The following ARMH3 variants were observed in gnomAD, a reference collection of about 807,000 sequenced individuals.
The protein encoded by ARMH3 is armadillo like helical domain containing 3.
ARMH3 carries 60 observed loss-of-function variants against 99.1 expected under a neutral mutation model. The ratio of observed to expected loss-of-function variants is 0.61; its 90% confidence interval spans 0.49 to 0.75. The LOEUF (loss-of-function observed/expected upper bound fraction) is 0.75, where lower values mean the gene tolerates loss of function less well. ARMH3 is among the 30% of genes least tolerant of loss of function. The probability of loss-of-function intolerance (pLI) is 0.00; values close to 1 mark genes in which losing one functional copy is unlikely to be tolerated. For missense variants in ARMH3, 679 were observed against 843.1 expected (o/e 0.81, Z 2.41); for synonymous variants, 285 against 292.8 (o/e 0.97, Z 0.27).
chr10:101,935,860 T>A (rs965546612), intron 23 of ARMH3, among the ~76,000 whole-genome samples: 1 of 152,204 alleles, frequency 6.6e-6, no homozygotes, highest in African/African-American at 2.4e-5. Flanking sequence ...TATATCTCTA[T>A]CCTTGATCAT....
intron 19 of ARMH3, among the ~76,000 whole-genome samples, chr10:101,976,963 T>C (rs1329162514): frequency 6.6e-6 from 1 of 152,152 alleles, no homozygotes; most frequent in Non-Finnish European, 1.5e-5. Flanking sequence ...AGAAGTTCTG[T>C]TTCTTTTTCT....
intron 23 of ARMH3, among the ~76,000 whole-genome samples, chr10:101,907,715 C>A (rs551503891): frequency 2.0e-5 from 3 of 152,232 alleles, no homozygotes; most frequent in African/African-American, 7.2e-5. Context: ...CAGTTTCATC[C>A]TAGTGGTACA....
chr10:101,944,522 A>C (rs1844430229), intron 22 of ARMH3, among the ~76,000 whole-genome samples: 1 of 151,972 alleles, frequency 6.6e-6, no homozygotes, highest in Admixed American at 6.6e-5. Flanking sequence ...AAATATTAAA[A>C]GCATTCAGAG....
chr10:101,990,049 G>C (rs1302247147), intron 19 of ARMH3, among the ~76,000 whole-genome samples: 1 of 152,160 alleles, frequency 6.6e-6, no homozygotes, highest in African/African-American at 2.4e-5. Context: ...GATATGTGCA[G>C]AATCCACATT....
At chr10:101,954,967 C>G (rs556772937) in intron 22 of ARMH3, among the ~76,000 whole-genome samples, 1 of 152,164 alleles carries the variant, frequency 6.6e-6, no homozygotes, top group Admixed American at 6.5e-5. Flanking sequence ...ATATCTCCCC[C>G]ACTCCAACTC....
rs1267995530 is a variant in ARMH3, at chr10:101,995,386, A to T, written c.1151-31T>A. ...AAGAAAAAAGAAACTCTTCTCTGTA[A>T]ATCATCCAGATTTACATCATCTGTT... On this transcript the variant is annotated intron_variant, in intron 15 of 25. Transcript: ENST00000370033. 3.8e-6 allele frequency: 6 copies of T among 1,572,716 alleles called. No homozygotes were observed. In the Admixed American group the frequency reaches 6.8e-5, roughly 18 times the overall value.
intron 8 of ARMH3, among the ~76,000 whole-genome samples, chr10:102,022,770 C>T (rs1273807697): frequency 1.3e-5 from 2 of 150,568 alleles, no homozygotes; most frequent in East Asian, 2.0e-4. Flanking sequence ...TTAGTAGAGA[C>T]GGGGTTTCAC....
chr10:101,901,575 C>T (rs1269176593), intron 23 of ARMH3, among the ~76,000 whole-genome samples: 1 of 152,284 alleles, frequency 6.6e-6, no homozygotes, highest in East Asian at 1.9e-4. Flanking sequence ...TCGCCCTTCT[C>T]GTCAGCTCTG....
intron 23 of ARMH3, among the ~76,000 whole-genome samples, chr10:101,913,930 G>A (rs1034157815): frequency 1.3e-5 from 2 of 152,164 alleles, no homozygotes; most frequent in Non-Finnish European, 2.9e-5. Context: ...CAGCAGGATT[G>A]TACCCTGGCC....
At chr10:101,882,587 C>A (rs775747004) in intron 24 of ARMH3, among the ~76,000 whole-genome samples, 1 of 152,184 alleles carries the variant, frequency 6.6e-6, no homozygotes, top group African/African-American at 2.4e-5. Context: ...GCAATCTCTG[C>A]CTCTCAAGTT....
chr10:102,038,097 T>C (rs905664279), intron 2 of ARMH3, among the ~76,000 whole-genome samples: 3 of 143,036 alleles, frequency 2.1e-5, no homozygotes, highest in African/African-American at 7.9e-5. Flanking sequence ...TCCTTTTTTT[T>C]TTTTTTTTTT....
chr10:101,942,250 CA>C (rs562864639), intron 22 of ARMH3, among the ~76,000 whole-genome samples: 7 of 151,310 alleles, frequency 4.6e-5, no homozygotes. Context: ...ATGAAAATTA[CA>C]AAAAAAATGA....
intron 22 of ARMH3, among the ~76,000 whole-genome samples, chr10:101,951,442 G>A (rs777270201): frequency 3.0e-4 from 45 of 152,036 alleles, no homozygotes; most frequent in Non-Finnish European, 4.7e-4. Context: ...GTATGGTGAC[G>A]CACACCTGTA....
chr10:101,853,110 C>T (rs1050633676), intron 24 of ARMH3, among the ~76,000 whole-genome samples: 2 of 148,604 alleles, frequency 1.3e-5, no homozygotes, highest in Non-Finnish European at 3.0e-5. Context: ...AGGCTGGTCT[C>T]GAACTCCTGA....
intron 23 of ARMH3, among the ~76,000 whole-genome samples, chr10:101,895,102 C>T (rs935749218): frequency 3.9e-5 from 6 of 151,910 alleles, no homozygotes; most frequent in Non-Finnish European, 7.4e-5. Context: ...GGTTTCCCTT[C>T]GACAAAGGTG....
intron 19 of ARMH3, among the ~76,000 whole-genome samples, chr10:101,978,951 T>C (rs1229280198): frequency 6.6e-6 from 1 of 150,912 alleles, no homozygotes; most frequent in African/African-American, 2.4e-5. Context: ...AAAAATAAAA[T>C]TAAATTAAAT....
At chr10:101,911,825 T>C (rs768761821) in intron 23 of ARMH3, among the ~76,000 whole-genome samples, 4 of 151,682 alleles carry the variant, frequency 2.6e-5, no homozygotes, top group African/African-American at 9.7e-5. Flanking sequence ...CACTTGAAGT[T>C]AGGAGTTCTA....
At chr10:101,960,722 C>G (rs1466162746) in intron 20 of ARMH3, among the ~76,000 whole-genome samples, 2 of 151,772 alleles carry the variant, frequency 1.3e-5, no homozygotes, top group Non-Finnish European at 2.9e-5. Context: ...AACCCCGTCT[C>G]TACTAAAAAA....
chr10:102,014,782 T>C (rs2066708565), intron 8 of ARMH3, among the ~76,000 whole-genome samples: 1 of 152,148 alleles, frequency 6.6e-6, no homozygotes, highest in Non-Finnish European at 1.5e-5. Flanking sequence ...ATATTTAAAC[T>C]CATAAAGCAA....
Sources: allele counts gnomAD v4.1 joint callset (sites outside exome capture counted in the v4.1 genomes callset), GRCh38; gene constraint gnomAD v4.1.1; transcripts MANE v1.5; gene names NCBI Gene and HGNC (gene_info 2026-07-23, HGNC 2026-07-21).